MYO3B: variants seen among roughly 807,000 people sequenced by gnomAD.
The protein encoded by MYO3B is myosin-IIIb.
Under a neutral mutation model 174.6 loss-of-function variants are expected in MYO3B, and 156 were observed. The ratio of observed to expected loss-of-function variants is 0.89; its 90% CI spans 0.78 to 1.02. The LOEUF (loss-of-function observed/expected upper bound fraction) is 1.02, where lower values mean the gene tolerates loss of function less well. Among genes scored for constraint, MYO3B ranks in the 50% least tolerant of loss-of-function variants. MYO3B has a pLI of 0.00. For missense variants in MYO3B, 1,632 were observed against 1,639.4 expected (o/e 1.00, Z 0.08); for synonymous variants, 563 against 569.1 (o/e 0.99, Z 0.15).
At chr2:170,604,448 G>A (rs1258920453) in intron 32 of MYO3B, among the ~76,000 whole-genome samples, 2 of 151,850 alleles carry the variant, frequency 1.3e-5, no homozygotes, top group Non-Finnish European at 2.9e-5. Context: ...TAAAGTGTGT[G>A]AATTTTTTCA....
At chr2:170,627,659 G>A (rs558581655) in intron 32 of MYO3B, among the ~76,000 whole-genome samples, 2 of 152,302 alleles carry the variant, frequency 1.3e-5, no homozygotes, top group Admixed American at 6.5e-5. Flanking sequence ...TTTCTGTTCT[G>A]TTTTTTCCCC....
At chr2:170,567,085 C>G (rs1692118141) in intron 32 of MYO3B, among the ~76,000 whole-genome samples, 1 of 152,154 alleles carries the variant, frequency 6.6e-6, no homozygotes, top group Non-Finnish European at 1.5e-5. Flanking sequence ...TCTGTGGAAA[C>G]AACAATTTGA....
intron 30 of MYO3B, 80 bp downstream of exon 30, chr2:170,519,620 T>C: frequency 8.7e-7 from 1 of 1,152,386 alleles, no homozygotes; most frequent in Non-Finnish European, 1.3e-6. Context: ...TAATGGATAA[T>C]GCAACAAGTA....
intron 32 of MYO3B, among the ~76,000 whole-genome samples, chr2:170,584,307 AT>A (rs5836290): frequency 0.065 from 9,863 of 150,742 alleles, 639 homozygotes; most frequent in South Asian, 0.17. Flanking sequence ...AAGTTTTTTA[AT>A]TTTTTTTTTC....
chr2:170,474,974 A>T (rs994668295), intron 25 of MYO3B, among the ~76,000 whole-genome samples: 5 of 152,142 alleles, frequency 3.3e-5, no homozygotes, highest in African/African-American at 1.2e-4. Flanking sequence ...ATATATAGTT[A>T]CTATCGTTTT....
chr2:170,423,558 C>T (rs1366528302), intron 22 of MYO3B, among the ~76,000 whole-genome samples: 1 of 151,002 alleles, frequency 6.6e-6, no homozygotes, highest in Non-Finnish European at 1.5e-5. Context: ...CATTATTGTT[C>T]CCGGATTTGC....
At chr2:170,354,737 A>G (rs1379937814) in intron 8 of MYO3B, among the ~76,000 whole-genome samples, 2 of 152,128 alleles carry the variant, frequency 1.3e-5, no homozygotes, top group African/African-American at 4.8e-5. Context: ...TGGTTGCCTG[A>G]GTTCCTTTCA....
At chr2:170,336,514 C>A (rs556041480) in intron 8 of MYO3B, among the ~76,000 whole-genome samples, 19 of 152,198 alleles carry the variant, frequency 1.2e-4, no homozygotes, top group Middle Eastern at 6.8e-3. Context: ...GATAAAAGTT[C>A]TTTTGTAGTT....
chr2:170,568,327 C>T (rs1244852350), intron 32 of MYO3B, among the ~76,000 whole-genome samples: 1 of 152,182 alleles, frequency 6.6e-6, no homozygotes, highest in Non-Finnish European at 1.5e-5. Context: ...TGGAAGAAGG[C>T]CAGTGATGGA....
At chr2:170,257,137 C>T (rs188728949) in intron 7 of MYO3B, among the ~76,000 whole-genome samples, 99 of 152,210 alleles carry the variant, frequency 6.5e-4, no homozygotes, top group Admixed American at 1.1e-3. Flanking sequence ...GACTTAGACA[C>T]AATAATAGCG....
chr2:170,440,811 T>G (rs1172307918), intron 22 of MYO3B, among the ~76,000 whole-genome samples: 18 of 145,650 alleles, frequency 1.2e-4, no homozygotes, highest in African/African-American at 3.5e-4. Context: ...TTTTTTTTTT[T>G]TTTTTTTTTT....
intron 28 of MYO3B, among the ~76,000 whole-genome samples, chr2:170,510,567 G>T (rs1007796350): frequency 6.6e-6 from 1 of 152,188 alleles, no homozygotes; most frequent in African/African-American, 2.4e-5. Flanking sequence ...TGTGACTTTA[G>T]TTGGAAACAG....
intron 32 of MYO3B, among the ~76,000 whole-genome samples, chr2:170,606,748 C>T (rs995414627): frequency 2.4e-4 from 36 of 152,246 alleles, no homozygotes; most frequent in African/African-American, 6.5e-4. Context: ...AGGCCGGGCA[C>T]GGTGGCTCAC....
chr2:170,471,903 ATTGC>A (rs2105983042), intron 25 of MYO3B, among the ~76,000 whole-genome samples: 1 of 151,286 alleles, frequency 6.6e-6, no homozygotes, highest in East Asian at 2.0e-4. Flanking sequence ...AGGCAGGAGA[ATTGC>A]TTGAACCCGG....
intron 6 of MYO3B, among the ~76,000 whole-genome samples, chr2:170,232,596 C>T (rs749984215): frequency 2.9e-4 from 44 of 152,238 alleles, no homozygotes; most frequent in Non-Finnish European, 5.7e-4. Context: ...TTATCCTTCT[C>T]CCTGCCTGGG....
intron 29 of MYO3B, among the ~76,000 whole-genome samples, chr2:170,516,592 G>A (rs145111056): frequency 2.0e-3 from 293 of 149,620 alleles, no homozygotes; most frequent in African/African-American, 6.7e-3. Flanking sequence ...GCAGTGAGCC[G>A]AGATCGCGCC....
intron 9 of MYO3B, 39 bp downstream of exon 9, chr2:170,369,416 T>C (rs1185865574): frequency 6.3e-7 from 1 of 1,581,888 alleles, no homozygotes; most frequent in Non-Finnish European, 8.6e-7. Context: ...TGTGGTTGTT[T>C]ATAAAAATGT....
chr2:170,582,314 G>A (rs960318566), intron 32 of MYO3B, among the ~76,000 whole-genome samples: 2 of 152,174 alleles, frequency 1.3e-5, no homozygotes, highest in Non-Finnish European at 2.9e-5. Flanking sequence ...CTTCTACTCT[G>A]GAAAGAAAAC....
At chr2:170,376,286 C>G (rs1310958866) in intron 9 of MYO3B, among the ~76,000 whole-genome samples, 1 of 152,134 alleles carries the variant, frequency 6.6e-6, no homozygotes, top group African/African-American at 2.4e-5. Context: ...CAAAGGTCTG[C>G]TATTGTTTTT....
Sources: gnomAD v4.1 joint callset for allele counts (sites outside exome capture counted in the v4.1 genomes callset) on GRCh38, gnomAD v4.1.1 for gene constraint, MANE v1.5 for transcripts, NCBI Gene and HGNC (gene_info 2026-07-23, HGNC 2026-07-21) for gene names.